Variants in CTNNA2 observed in about 807,000 individuals in gnomAD.
The protein encoded by CTNNA2 is catenin alpha-2.
A neutral mutation model predicts 101.0 loss-of-function variants in CTNNA2; 42 were observed. That is an observed-to-expected ratio of 0.42 (90% CI 0.32 to 0.54). The LOEUF is 0.54. Among genes scored for constraint, CTNNA2 ranks in the 20% least tolerant of loss-of-function variants. The pLI, the probability that CTNNA2 is intolerant of heterozygous loss-of-function variation, is 0.14. For synonymous variants in CTNNA2, 450 were observed against 456.4 expected (o/e 0.99, Z 0.18); for missense variants, 871 against 1,223.1 (o/e 0.71, Z 4.29).
chr2:80,029,285 C>T (rs1169624709), intron 7 of CTNNA2: 1 of 152,202 alleles, frequency 6.6e-6, no homozygotes, highest in Non-Finnish European at 1.5e-5. Context: ...GAGTGTGACA[C>T]CAGCTTTTCA....
intron 2 of CTNNA2, among the ~76,000 whole-genome samples, chr2:79,259,507 A>G (rs369600604): frequency 2.0e-5 from 3 of 152,176 alleles, no homozygotes; most frequent in East Asian, 3.9e-4. Flanking sequence ...GTGTACCTTG[A>G]ATAACCACGA....
At chr2:79,994,466 G>A (rs953325379) in intron 7 of CTNNA2, among the ~76,000 whole-genome samples, 10 of 152,026 alleles carry the variant, frequency 6.6e-5, no homozygotes, top group African/African-American at 1.9e-4. Context: ...TTTTGAAAGC[G>A]ACCTTGTGGT....
intron 3 of CTNNA2, among the ~76,000 whole-genome samples, chr2:79,802,730 CTG>C (rs1045332624): frequency 6.6e-5 from 10 of 152,224 alleles, no homozygotes; most frequent in African/African-American, 2.4e-4. Flanking sequence ...TGCAGATTGA[CTG>C]TGTGTTCACT....
intron 7 of CTNNA2, among the ~76,000 whole-genome samples, chr2:80,201,561 G>A (rs1488919433): frequency 6.6e-6 from 1 of 151,674 alleles, no homozygotes; most frequent in Non-Finnish European, 1.5e-5. Flanking sequence ...TTTTTTAGTA[G>A]AGATGGGGTT....
intron 18 of CTNNA2, among the ~76,000 whole-genome samples, chr2:80,637,706 T>C (rs1198825379): frequency 6.6e-6 from 1 of 152,016 alleles, no homozygotes; most frequent in Non-Finnish European, 1.5e-5. Flanking sequence ...AACATATGAA[T>C]AATGCCACAT....
intron 9 of CTNNA2, among the ~76,000 whole-genome samples, chr2:80,509,594 TG>T (rs1477451174): frequency 2.6e-5 from 4 of 152,134 alleles, no homozygotes; most frequent in Non-Finnish European, 5.9e-5. Context: ...CTGAAAACCT[TG>T]GGGTCCGTGG....
At chr2:79,193,460 C>G (rs1046195188) in intron 1 of CTNNA2, among the ~76,000 whole-genome samples, 41 of 152,138 alleles carry the variant, frequency 2.7e-4, no homozygotes, top group African/African-American at 9.9e-4. Context: ...ACCCTAGGAA[C>G]AGTAGGCTAT....
intron 2 of CTNNA2, among the ~76,000 whole-genome samples, chr2:79,736,616 C>T (rs1238099471): frequency 1.3e-5 from 2 of 152,154 alleles, no homozygotes; most frequent in Non-Finnish European, 2.9e-5. Context: ...TGTCTTCAAA[C>T]ATTCACCCCA....
chr2:79,314,985 C>A (rs540050298), intron 3 of CTNNA2, among the ~76,000 whole-genome samples: 59 of 152,196 alleles, frequency 3.9e-4, no homozygotes, highest in African/African-American at 1.3e-3. Flanking sequence ...TGAATTAGGG[C>A]TTTTGCTTCT....
intron 2 of CTNNA2, among the ~76,000 whole-genome samples, chr2:79,280,423 A>G (rs1675332254): frequency 6.6e-6 from 1 of 152,046 alleles, no homozygotes. Context: ...AAGCAAGCAA[A>G]CAGAAATTAA....
At chr2:79,431,742 C>T (rs1678661224) in intron 4 of CTNNA2, among the ~76,000 whole-genome samples, 1 of 152,116 alleles carries the variant, frequency 6.6e-6, no homozygotes, top group Non-Finnish European at 1.5e-5. Flanking sequence ...TACCTCCTTC[C>T]CTGAGGAGGC....
intron 7 of CTNNA2, among the ~76,000 whole-genome samples, chr2:80,391,405 T>C (rs1053595737): frequency 1.3e-5 from 2 of 152,188 alleles, no homozygotes; most frequent in African/African-American, 2.4e-5. Context: ...TCAATTTTTT[T>C]CTTTTCACTT....
At chr2:80,568,884 C>A (rs1351111023) in intron 12 of CTNNA2, among the ~76,000 whole-genome samples, 1 of 152,104 alleles carries the variant, frequency 6.6e-6, no homozygotes, top group Middle Eastern at 3.2e-3. Flanking sequence ...CAGAAAGACA[C>A]AAGAACCATA....
At chr2:79,728,430 G>A (rs1427152437) in intron 2 of CTNNA2, among the ~76,000 whole-genome samples, 2 of 152,084 alleles carry the variant, frequency 1.3e-5, no homozygotes, top group Non-Finnish European at 2.9e-5. Context: ...GAGGTTGTTT[G>A]TTTTTTTCTT....
At chr2:79,341,556 A>G (rs1317583904) in intron 3 of CTNNA2, among the ~76,000 whole-genome samples, 1 of 152,216 alleles carries the variant, frequency 6.6e-6, no homozygotes, top group Non-Finnish European at 1.5e-5. Context: ...TCTTTGGAGC[A>G]ACGATCTTTG....
intron 2 of CTNNA2, among the ~76,000 whole-genome samples, chr2:79,696,179 G>A (rs1371072475): frequency 6.6e-6 from 1 of 152,012 alleles, no homozygotes; most frequent in Non-Finnish European, 1.5e-5. Flanking sequence ...AAGTCGCTTT[G>A]TAAATTCTGT....
At chr2:79,297,471 C>T (rs1407620755) in intron 2 of CTNNA2, among the ~76,000 whole-genome samples, 1 of 152,214 alleles carries the variant, frequency 6.6e-6, no homozygotes, top group Non-Finnish European at 1.5e-5. Context: ...TCAAGATCTA[C>T]AGACCCAGAT....
intron 2 of CTNNA2, among the ~76,000 whole-genome samples, chr2:79,254,722 C>A (rs1674819424): frequency 6.6e-6 from 1 of 152,094 alleles, no homozygotes; most frequent in African/African-American, 2.4e-5. Flanking sequence ...CAACTTATAG[C>A]CCCAGAAAAA....
intron 8 of CTNNA2, among the ~76,000 whole-genome samples, chr2:80,414,230 G>T (rs1224413882): frequency 6.6e-6 from 1 of 152,198 alleles, no homozygotes; most frequent in Non-Finnish European, 1.5e-5. Flanking sequence ...TTTGAGCCCA[G>T]CATAAAAGAG....
Sources: allele counts gnomAD v4.1 joint callset (sites outside exome capture counted in the v4.1 genomes callset), GRCh38; gene constraint gnomAD v4.1.1; transcripts MANE v1.5; gene names NCBI Gene and HGNC (gene_info 2026-07-23, HGNC 2026-07-21).